The following MYH16 variants were observed in gnomAD, a reference collection of about 807,000 sequenced individuals.
MYH16 encodes putative uncharacterized protein MYH16.
intron 3 of MYH16, among the ~76,000 whole-genome samples, chr7:99,248,819 A>T (rs1480932417): frequency 3.9e-5 from 6 of 152,194 alleles, no homozygotes; most frequent in Non-Finnish European, 8.8e-5. Flanking sequence ...AGGGATGGGC[A>T]CGTGGCCACA....
chr7:99,300,459 G>A (rs1252164263), intron 37 of MYH16, among the ~76,000 whole-genome samples: 1 of 152,158 alleles, frequency 6.6e-6, no homozygotes, highest in African/African-American at 2.4e-5. Context: ...TCCAACACTT[G>A]CTAACTGGAG....
intron 28 of MYH16, among the ~76,000 whole-genome samples, chr7:99,287,075 G>T (rs534579821): frequency 6.6e-6 from 1 of 152,332 alleles, no homozygotes; most frequent in South Asian, 2.1e-4. Context: ...GGGGAAGAAT[G>T]TAGGCAAAGG....
At chr7:99,277,478 T>A in intron 20 of MYH16, 61 bp from the exon 3 acceptor site, 1 of 418,858 alleles carries the variant, frequency 2.4e-6, no homozygotes, top group Non-Finnish European at 4.8e-6. Flanking sequence ...TCCACAGCCC[T>A]CCGTCTACCC....
At chr7:99,273,001 A>G (rs1792067455) in intron 19 of MYH16, among the ~76,000 whole-genome samples, 1 of 152,168 alleles carries the variant, frequency 6.6e-6, no homozygotes. Context: ...GATTCCAGCA[A>G]CTTTGCAGAT....
At chr7:99,243,069 A>G (rs1228050397) in intron 1 of MYH16, among the ~76,000 whole-genome samples, 1 of 152,208 alleles carries the variant, frequency 6.6e-6, no homozygotes, top group Non-Finnish European at 1.5e-5. Context: ...CTGTCATCTC[A>G]ACTTCAGAGA....
chr7:99,276,130 A>G (rs1303838034), intron 20 of MYH16, among the ~76,000 whole-genome samples: 1 of 152,216 alleles, frequency 6.6e-6, no homozygotes, highest in Non-Finnish European at 1.5e-5. Flanking sequence ...CAATGAAAAA[A>G]CACTTGTAGT....
chr7:99,263,769 TTC>T (rs1218541743), intron 14 of MYH16, among the ~76,000 whole-genome samples: 1 of 152,204 alleles, frequency 6.6e-6, no homozygotes, highest in Non-Finnish European at 1.5e-5. Flanking sequence ...TATGTTTCTT[TTC>T]TGTTTCCCTC....
chr7:99,249,556 A>G (rs1791783260), intron 4 of MYH16, among the ~76,000 whole-genome samples: 1 of 148,750 alleles, frequency 6.7e-6, no homozygotes, highest in South Asian at 2.1e-4. Context: ...AAAAAAAAAA[A>G]GAAAAGAAAA....
exon 26 of MYH16, chr7:99,284,930 C>T (rs1409622572): frequency 2.2e-6 from 1 of 456,568 alleles, no homozygotes; most frequent in Non-Finnish European, 4.4e-6. Context: ...ACTGAAGGAG[C>T]ACCAGGTATG....
intron 18 of MYH16, among the ~76,000 whole-genome samples, chr7:99,267,345 C>T (rs1480218313): frequency 6.6e-6 from 1 of 152,212 alleles, no homozygotes; most frequent in Non-Finnish European, 1.5e-5. Flanking sequence ...CCTCCTGCCT[C>T]AGCCTCCCAA....
intron 20 of MYH16, among the ~76,000 whole-genome samples, chr7:99,273,764 A>AAGAGAGGAAAGGAAGGG (rs1217449732): frequency 5.7e-4 from 86 of 151,214 alleles, no homozygotes; most frequent in Admixed American, 1.3e-3. Context: ...GAAAGTAAGA[A>AAGAGAGGAAAGGAAGGG]AGAGAGGAAA....
chr7:99,301,062 G>A (rs1792586401), intron 37 of MYH16, among the ~76,000 whole-genome samples: 1 of 151,864 alleles, frequency 6.6e-6, no homozygotes, highest in African/African-American at 2.4e-5. Context: ...AGGTGTGGTG[G>A]CAGGCACCTG....
intron 2 of MYH16, chr7:99,247,557 G>GA (rs1441466056): frequency 6.3e-6 from 1 of 158,100 alleles, no homozygotes; most frequent in East Asian, 1.8e-4. Context: ...GTACCAGGAG[G>GA]AAAAATCAGC....
chr7:99,304,059 G>C (rs373710671), intron 39 of MYH16, among the ~76,000 whole-genome samples: 3 of 152,164 alleles, frequency 2.0e-5, no homozygotes, highest in African/African-American at 7.2e-5. Context: ...TCATCATCAG[G>C]CTCCTCTCAC....
At chr7:99,268,414 C>T (rs1792013940) in intron 18 of MYH16, among the ~76,000 whole-genome samples, 1 of 152,246 alleles carries the variant, frequency 6.6e-6, no homozygotes, top group African/African-American at 2.4e-5. Flanking sequence ...AGCTAGTCGG[C>T]ATAAGGCCCA....
rs373615665 is a variant in MYH16 at position 99,266,658 on chromosome 7, G to A, written n.2146-196G>A. 2.0e-5 allele frequency among the ~76,000 whole-genome samples: 3 copies of A among 152,320 alleles called. No homozygotes were observed. The East Asian group carries it at 5.8e-4, about 29-fold the overall frequency. ...CCCTGTACCCCCAACCCACACCAAT[G>A]TCCACTCCCAAGCTGTAGCCCTTAT... On this transcript the variant is annotated intron_variant and non_coding_transcript_variant, in intron 17 of 41. Transcript: ENST00000439784.
intron 2 of MYH16, among the ~76,000 whole-genome samples, chr7:99,247,109 C>T (rs981940563): frequency 7.9e-5 from 12 of 152,162 alleles, no homozygotes; most frequent in Admixed American, 1.3e-4. Flanking sequence ...AGAGAAGCCT[C>T]ATTTAGCTTA....
intron 32 of MYH16, among the ~76,000 whole-genome samples, chr7:99,292,951 T>G (rs1346273518): frequency 1.2e-4 from 13 of 106,044 alleles, no homozygotes; most frequent in Non-Finnish European, 1.7e-4. Context: ...CAGAGCAGGA[T>G]CCTGTCTCTA....
At chr7:99,248,027 G>A (rs868586051) in intron 3 of MYH16, among the ~76,000 whole-genome samples, 5 of 152,228 alleles carry the variant, frequency 3.3e-5, no homozygotes, top group African/African-American at 1.2e-4. Context: ...AAGTAGGTAA[G>A]TAACTTGCTC....
Sources: gnomAD v4.1 joint callset for allele counts (sites outside exome capture counted in the v4.1 genomes callset) on GRCh38, gnomAD v4.1.1 for gene constraint, MANE v1.5 for transcripts, NCBI Gene and HGNC (gene_info 2026-07-23, HGNC 2026-07-21) for gene names.